SLAIN2: variants seen among roughly 807,000 people sequenced by gnomAD.
The protein encoded by SLAIN2 is SLAIN motif-containing protein 2.
SLAIN2 carries 31 observed loss-of-function variants against 56.6 expected under a neutral mutation model. The observed-to-expected ratio is 0.55, with a 90% CI of 0.41 to 0.74. SLAIN2 has a LOEUF of 0.74. Among genes scored for constraint, SLAIN2 ranks in the 30% least tolerant of loss-of-function variants. The pLI, the probability that SLAIN2 is intolerant of heterozygous loss-of-function variation, is 0.00. For synonymous variants in SLAIN2, 317 were observed against 284.9 expected, an observed-to-expected ratio of 1.11 and a Z score of -1.13; for missense variants, 777 against 754.2, an observed-to-expected ratio of 1.03 and a Z score of -0.35.
At chr4:48,364,632 G>A (rs1321347625) in intron 1 of SLAIN2, among the ~76,000 whole-genome samples, 3 of 113,016 alleles carry the variant, frequency 2.7e-5, no homozygotes, top group Admixed American at 8.6e-5. Flanking sequence ...CCGGCACCTC[G>A]GGAGGCCGAG....
intron 1 of SLAIN2, among the ~76,000 whole-genome samples, chr4:48,360,980 A>G (rs1715312381): frequency 6.6e-6 from 1 of 152,204 alleles, no homozygotes; most frequent in Admixed American, 6.5e-5. Flanking sequence ...ATAAATACCA[A>G]CTCAAAAAAT....
In SLAIN2 at chr4:48,383,069, G is replaced by A. The variant is rs1716012233; in HGVS notation, c.1222+142G>A. On this transcript the variant is annotated intron_variant, in intron 5 of 7. Transcript: ENST00000264313. ...TATAGTCCTAGTGACTTGAGAGGCTGAGGCTGGAGGATTGGTTGAGCCCAG... is the reference window on the plus strand; with the variant it reads ...TATAGTCCTAGTGACTTGAGAGGCTAAGGCTGGAGGATTGGTTGAGCCCAG... 5.8e-6 allele frequency: 5 copies of A among 857,800 alleles called. No individual in the cohort carries two copies. The South Asian group carries it at 8.2e-5, about 14-fold the overall frequency. The allele number at this position is 857,800 out of a possible 1,614,324, so 53.1% of individuals were successfully genotyped here. A position where few individuals can be genotyped will look rare whatever the true frequency, so the allele number is the denominator to read the frequency against.
chr4:48,372,493 G>A (rs1196970411), intron 2 of SLAIN2, among the ~76,000 whole-genome samples: 2 of 152,108 alleles, frequency 1.3e-5, no homozygotes, highest in Non-Finnish European at 2.9e-5. Context: ...GACTAGATTT[G>A]GCCTGAAGGC....
At chr4:48,369,710 A>G (rs1490384179) in intron 1 of SLAIN2, 139 bp from the exon 2 acceptor site, 16 of 682,968 alleles carry the variant, frequency 2.3e-5, no homozygotes, top group Non-Finnish European at 3.4e-5. Flanking sequence ...CCTGTGCAGT[A>G]AGTAAATGTG....
chr4:48,404,012 G>C (rs1288874792), intron 6 of SLAIN2, among the ~76,000 whole-genome samples: 1 of 152,170 alleles, frequency 6.6e-6, no homozygotes, highest in Non-Finnish European at 1.5e-5. Flanking sequence ...GGCGATGGGG[G>C]CTCTCCTGGC....
Position 48,420,257 on chromosome 4 carries a change from C to T in SLAIN2, c.1493C>T (p.Thr498Ile), listed in dbSNP as rs772615790. The T allele has an allele frequency of 1.9e-6, 3 of 1,613,860 alleles. No individual in the cohort carries two copies. Among genetic ancestry groups the T allele is most frequent in the African/African-American group, 1.3e-5 (1 of 74,932 alleles). ...SQEITQLTQTTSSPGPPMVQS... is the reference protein window; with the variant it reads ...SQEITQLTQTISSPGPPMVQS... Reference sequence around the variant, plus strand: ...GAAATAACACAGCTCACACAAACCACCTCCTCACCTGGGCCTCCTATGGTT... The same window carrying T: ...GAAATAACACAGCTCACACAAACCATCTCCTCACCTGGGCCTCCTATGGTT... The change falls in exon 7 of 8, where the codon ACC becomes ATC. Residue 498 changes from threonine (T) to isoleucine (I), a missense_variant. Transcript: ENST00000264313.
chr4:48,371,868 C>T (rs1715672329), intron 2 of SLAIN2, among the ~76,000 whole-genome samples: 1 of 151,894 alleles, frequency 6.6e-6, no homozygotes, highest in South Asian at 2.1e-4. Context: ...CCCTTGAGCC[C>T]AGGAAGTTGT....
At chr4:48,376,989 T>TA (rs374658502) in intron 2 of SLAIN2, among the ~76,000 whole-genome samples, 170 of 145,414 alleles carry the variant, frequency 1.2e-3, no homozygotes, top group African/African-American at 3.8e-3. Context: ...GGTATTGCTT[T>TA]AAAAAAAAAA....
intron 6 of SLAIN2, among the ~76,000 whole-genome samples, chr4:48,386,478 T>C (rs1338374006): frequency 1.3e-5 from 2 of 152,218 alleles, no homozygotes; most frequent in Non-Finnish European, 2.9e-5. Context: ...ATAAAACTTA[T>C]CCAGAAATAT....
intron 1 of SLAIN2, among the ~76,000 whole-genome samples, chr4:48,362,384 T>A (rs1715348999): frequency 6.6e-6 from 1 of 150,470 alleles, no homozygotes; most frequent in Non-Finnish European, 1.5e-5. Context: ...TTTATTTATT[T>A]CTCTCTCTCT....
At chr4:48,376,913 C>CTTTTTT (rs11347630) in intron 2 of SLAIN2, among the ~76,000 whole-genome samples, 22 of 111,744 alleles carry the variant, frequency 2.0e-4, no homozygotes, top group African/African-American at 6.9e-4. Context: ...GCCCGGCCGA[C>CTTTTTT]TTTTTTTTTT....
At chr4:48,367,135 G>A (rs748213875) in intron 1 of SLAIN2, among the ~76,000 whole-genome samples, 5 of 152,202 alleles carry the variant, frequency 3.3e-5, no homozygotes, top group Non-Finnish European at 5.9e-5. Context: ...TCCTGCTAAA[G>A]GTGAATTCAG....
chr4:48,420,497 C>A, intron 7 of SLAIN2, 54 bp downstream of exon 7: 1 of 1,582,140 alleles, frequency 6.3e-7, no homozygotes, highest in African/African-American at 1.3e-5. Context: ...AGTGGATAGA[C>A]TGGAATGAAT....
At chr4:48,359,020 C>T (rs1181124750) in intron 1 of SLAIN2, among the ~76,000 whole-genome samples, 1 of 152,118 alleles carries the variant, frequency 6.6e-6, no homozygotes, top group African/African-American at 2.4e-5. Flanking sequence ...CACGCCCAGC[C>T]TAAAGATAAT....
Position 48,423,839 on chromosome 4 carries a change from A to G in SLAIN2, c.*1762A>G, listed in dbSNP as rs971782731. The G allele has an allele frequency of 6.6e-6, 1 of 152,200 alleles. No homozygotes were observed. The highest frequency in any genetic ancestry group is 2.4e-5 in the African/African-American group (1 of 41,458). 9.4% of individuals were successfully genotyped at this position (152,200 alleles called of 1,614,324 possible). A position where few individuals can be genotyped will look rare whatever the true frequency, so the allele number is the denominator to read the frequency against. ...GCGCCAGAATTCTACATGATAATGA[A>G]CTAAAAAATGTTGCTTTTCAGAGGA... On this transcript the variant is annotated 3_prime_UTR_variant, in exon 8 of 8. Transcript: ENST00000264313.
intron 1 of SLAIN2, among the ~76,000 whole-genome samples, chr4:48,345,961 G>C (rs1714852614): frequency 6.8e-6 from 1 of 147,056 alleles, no homozygotes; most frequent in South Asian, 2.3e-4. Context: ...ATTATCGTCA[G>C]GCCCATATAA....
At chr4:48,370,261 T>C (rs1284460032) in intron 2 of SLAIN2, among the ~76,000 whole-genome samples, 2 of 152,216 alleles carry the variant, frequency 1.3e-5, no homozygotes, top group Non-Finnish European at 2.9e-5. Context: ...TGATAAGCTT[T>C]TTTCTAATAC....
rs552944563 is a variant in SLAIN2 at position 48,346,229 on chromosome 4, A to G, written c.389+4101A>G. Among the ~76,000 whole-genome samples the G allele has an allele frequency of 2.0e-5, 3 of 152,210 alleles. No individual in the cohort carries two copies. In the South Asian group the frequency reaches 6.2e-4, roughly 32 times the overall value. ...GGAATCAGTTTGGTCTGGACTTTCT[A>G]GACACTGCTTATTTTTCTCTTTAGA... On this transcript the variant is annotated intron_variant, in intron 1 of 7. Transcript: ENST00000264313.
chr4:48,422,057 T>C lies in SLAIN2; in HGVS notation c.1726T>C (p.Trp576Arg). The change falls in exon 8 of 8, where the codon TGG becomes CGG. Residue 576 changes from tryptophan (W) to arginine (R), a missense_variant. Physicochemically the swap from Trp to Arg is moderately radical, Grantham distance 101. Coordinates refer to ENST00000264313, the MANE Select transcript of SLAIN2 (RefSeq NM_020846.2). ...CTATGGTAGCATGAAAGATGACAGT[T>C]GGAAAGATGGCTGTTACTGACCAGC... ...KTYGSMKDDS[W>R]KDGCY 6.2e-7 allele frequency: 1 copy of C among 1,610,910 alleles called. No homozygotes were observed. The highest frequency in any genetic ancestry group is 8.5e-7 in the Non-Finnish European group (1 of 1,178,608).
Sources: gnomAD v4.1 joint callset for allele counts (sites outside exome capture counted in the v4.1 genomes callset) on GRCh38, gnomAD v4.1.1 for gene constraint, MANE v1.5 for transcripts, NCBI Gene and HGNC (gene_info 2026-07-23, HGNC 2026-07-21) for gene names.